The following DIP2C variants were observed in gnomAD, a reference collection of about 807,000 sequenced individuals.
DIP2C encodes disco-interacting protein 2 homolog C.
In DIP2C, 33 loss-of-function variants were observed where a neutral mutation model predicts 192.4. The observed-to-expected ratio is 0.17, with a 90% CI of 0.13 to 0.23. The LOEUF (loss-of-function observed/expected upper bound fraction) is 0.23. Among genes scored for constraint, DIP2C ranks in the 10% least tolerant of loss-of-function variants. The pLI, the probability that DIP2C is intolerant of heterozygous loss-of-function variation, is 1.00. For missense variants in DIP2C, 1,537 were observed against 2,110.1 expected (o/e 0.73, Z 5.32); for synonymous variants, 979 against 864.1 (o/e 1.13, Z -2.33).
chr10:339,678 C>T (rs1322139699), intron 29 of DIP2C, among the ~76,000 whole-genome samples: 2 of 151,752 alleles, frequency 1.3e-5, no homozygotes, highest in East Asian at 3.9e-4. Context: ...ATGTTCTGAG[C>T]GATTTTCCAA....
At chr10:472,016 A>G (rs973285722) in intron 3 of DIP2C, among the ~76,000 whole-genome samples, 1 of 152,232 alleles carries the variant, frequency 6.6e-6, no homozygotes, top group African/African-American at 2.4e-5. Context: ...AGACGGCATC[A>G]TAAAACACAG....
At chr10:426,650 A>G (rs1002926122) in intron 4 of DIP2C, among the ~76,000 whole-genome samples, 8 of 152,256 alleles carry the variant, frequency 5.3e-5, no homozygotes, top group Non-Finnish European at 1.2e-4. Flanking sequence ...GCAGAAGAAT[A>G]GATGTATACA....
In DIP2C at chr10:373,815, G is replaced by A. The variant is rs534292370; in HGVS notation, c.1992-4182C>T. Among the ~76,000 whole-genome samples the A allele has an allele frequency of 1.9e-4, 29 of 152,200 alleles. 2 individuals carry two copies. The South Asian group carries it at 5.6e-3, about 29-fold the overall frequency. ...CATGCTTCAAAGAAAATGCTAAACC[G>A]TCACAGCTGTAAGATCATGCGCTTG... is the stretch of plus-strand genomic sequence containing the variant. On this transcript the variant is annotated intron_variant, in intron 17 of 36. Transcript: ENST00000280886.
At chr10:329,287 C>T (rs371965594) in intron 30 of DIP2C, 146 bp downstream of exon 30, 5 of 755,022 alleles carry the variant, frequency 6.6e-6, no homozygotes, top group African/African-American at 3.6e-5. Flanking sequence ...CATATAAAGG[C>T]AGTTTGTAAG....
chr10:454,610 A>G lies in DIP2C; in HGVS notation c.269-13614T>C, dbSNP rs35483048. Among the ~76,000 whole-genome samples, 55 of 115,098 alleles carry G rather than the reference A, an allele frequency of 4.8e-4. No homozygotes were observed. In the East Asian group the frequency reaches 0.01, roughly 22 times the overall value. The allele number at this position is 115,098 out of a possible 152,430, so 75.5% of individuals were successfully genotyped here. The stretch of plus-strand genomic sequence containing the variant: ...TGCAATGAGATATTCGGGGATAAAA[A>G]CATCAGCACCCTTCGAACCCCTCAG... On this transcript the variant is annotated intron_variant, in intron 3 of 36. Transcript: ENST00000280886.
intron 26 of DIP2C, among the ~76,000 whole-genome samples, chr10:345,687 T>C (rs1256218333): frequency 1.3e-4 from 1 of 7,540 alleles, no homozygotes; most frequent in Non-Finnish European, 2.5e-4. Flanking sequence ...TCACGTATAG[T>C]TCTCCCGGAA....
intron 5 of DIP2C, among the ~76,000 whole-genome samples, chr10:422,129 A>AC (rs1343647987): frequency 1.3e-5 from 2 of 152,200 alleles, no homozygotes; most frequent in African/African-American, 4.8e-5. Context: ...GCGACGTGGT[A>AC]AGCAGTCGTC....
chr10:357,716 A>G (rs1018623945), intron 23 of DIP2C, 112 bp downstream of exon 23: 2 of 757,090 alleles, frequency 2.6e-6, no homozygotes, highest in Non-Finnish European at 4.4e-6. Context: ...ACTGTCGCGG[A>G]CTGTCAGGGA....
At chr10:686,835 G>T (rs1007349178) in intron 1 of DIP2C, among the ~76,000 whole-genome samples, 1 of 152,260 alleles carries the variant, frequency 6.6e-6, no homozygotes, top group African/African-American at 2.4e-5. Flanking sequence ...CGCCCAGCAG[G>T]CGGGCACAGC....
intron 17 of DIP2C, among the ~76,000 whole-genome samples, chr10:372,263 C>T (rs760596732): frequency 1.7e-4 from 26 of 152,166 alleles, no homozygotes; most frequent in Middle Eastern, 6.8e-3. Context: ...TTAGTAGAGA[C>T]GGGGTTTCAC....
chr10:466,729 A>T (rs1016938212), intron 3 of DIP2C, among the ~76,000 whole-genome samples: 1 of 151,896 alleles, frequency 6.6e-6, no homozygotes, highest in Non-Finnish European at 1.5e-5. Flanking sequence ...GGCAAAGGAC[A>T]TGAACAGACA....
intron 6 of DIP2C, among the ~76,000 whole-genome samples, chr10:417,075 A>G (rs566253422): frequency 6.6e-6 from 1 of 152,362 alleles, no homozygotes; most frequent in East Asian, 1.9e-4. Flanking sequence ...AGAAAAACAC[A>G]CAATCCAGAA....
intron 1 of DIP2C, among the ~76,000 whole-genome samples, chr10:575,733 G>A (rs917124441): frequency 1.4e-4 from 22 of 152,178 alleles, no homozygotes; most frequent in African/African-American, 4.6e-4. Context: ...GGAGGGCAGG[G>A]CAAGCTACAG....
At chr10:622,555 G>A (rs1478858926) in intron 1 of DIP2C, among the ~76,000 whole-genome samples, 1 of 152,118 alleles carries the variant, frequency 6.6e-6, no homozygotes, top group African/African-American at 2.4e-5. Flanking sequence ...AATTGGAGTT[G>A]ACAACATTTT....
chr10:350,055 G>C (rs1451297826), intron 24 of DIP2C, among the ~76,000 whole-genome samples: 4 of 152,204 alleles, frequency 2.6e-5, no homozygotes, highest in African/African-American at 7.2e-5. Context: ...AAGGTGAGTT[G>C]CAAGATATAT....
intron 1 of DIP2C, among the ~76,000 whole-genome samples, chr10:557,300 A>G (rs1302972557): frequency 6.6e-6 from 1 of 152,312 alleles, no homozygotes; most frequent in East Asian, 1.9e-4. Context: ...AGCCCTGGAC[A>G]GAATCTTCAC....
At chr10:552,973 G>A (rs962307757) in intron 1 of DIP2C, among the ~76,000 whole-genome samples, 1 of 152,268 alleles carries the variant, frequency 6.6e-6, no homozygotes, top group African/African-American at 2.4e-5. Flanking sequence ...AGATGAGGGA[G>A]GGGATCAGCC....
chr10:450,434 A>G (rs1395531318), intron 3 of DIP2C, among the ~76,000 whole-genome samples: 2 of 152,232 alleles, frequency 1.3e-5, no homozygotes, highest in Non-Finnish European at 2.9e-5. Flanking sequence ...TCAGTTATGG[A>G]TCAATTCCCT....
intron 3 of DIP2C, among the ~76,000 whole-genome samples, chr10:447,599 G>GCA (rs1281154199): frequency 1.0e-4 from 15 of 147,060 alleles, no homozygotes; most frequent in African/African-American, 3.9e-4. Context: ...ACACAGTGGG[G>GCA]CAGCAGGACC....
Sources: gnomAD v4.1 joint callset for allele counts (sites outside exome capture counted in the v4.1 genomes callset) on GRCh38, gnomAD v4.1.1 for gene constraint, MANE v1.5 for transcripts, NCBI Gene and HGNC (gene_info 2026-07-23, HGNC 2026-07-21) for gene names.